The following ACACA variants were observed in gnomAD, a reference collection of about 807,000 sequenced individuals.
ACACA encodes the protein acetyl-CoA carboxylase 1.
ACACA carries 103 observed loss-of-function variants against 296.1 expected under a neutral mutation model. That is an observed-to-expected ratio of 0.35 (90% CI 0.30 to 0.41). ACACA has a LOEUF of 0.41. Among genes scored for constraint, ACACA ranks in the 10% least tolerant of loss-of-function variants. The pLI is 1.00. For missense variants in ACACA, 1,554 were observed against 2,989.7 expected (o/e 0.52, Z 11.20); for synonymous variants, 953 against 1,038.6 (o/e 0.92, Z 1.58).
Position 37,192,220 on chromosome 17 carries a change from G to A in ACACA, c.4286C>T (p.Thr1429Ile). ...ELNRMRNFDL[T>I]AIPCANHKMH... ...CTTGTGATTAGCACATGGAATGGCA[G>A]TGAGGTCAAAATTTCTCATCCGGTT... Residue 1429 changes from threonine (T) to isoleucine (I), a missense_variant, in exon 37 of 56, where the codon ACT becomes ATT. This residue lies in a region of ACACA where 179 missense variants were observed against 283.2 expected (regional missense o/e 0.63). Coordinates refer to ENST00000616317, the MANE Select transcript of ACACA (RefSeq NM_198834.3). 1 of 1,614,084 alleles carries A rather than the reference G, an allele frequency of 6.2e-7. No homozygotes were observed. The highest frequency in any genetic ancestry group is 8.5e-7 in the Non-Finnish European group (1 of 1,180,014).
Position 37,246,848 on chromosome 17 carries a change from C to T in ACACA, c.2438G>A (p.Gly813Asp), listed in dbSNP as rs1398886417. Residue 813 changes from glycine (G) to aspartate (D), a missense_variant, in exon 19 of 56, where the codon GGC (glycine) becomes GAC (aspartate). Around this residue, in one of 16 missense-constraint regions of ACACA, gnomAD observed 316 missense variants for 540.9 expected, o/e 0.58. Transcript: ENST00000616317. Reference protein sequence around the residue: ...IVEDGGHVFAGQCYAEIEVMK... With the variant: ...IVEDGGHVFADQCYAEIEVMK... The stretch of plus-strand genomic sequence containing the variant: ...GACCTCAATCTCAGCATAGCACTGG[C>T]CGGCAAACACATGACCTCCATCTTC... 2 of 1,614,002 alleles carry T rather than the reference C, an allele frequency of 1.2e-6. No individual in the cohort carries two copies. Among genetic ancestry groups the T allele is most frequent in the South Asian group, 1.1e-5 (1 of 91,082 alleles).
At chr17:37,277,795 G>A (rs76327436) in intron 6 of ACACA, 101 bp downstream of exon 6, 83 of 916,244 alleles carry the variant, frequency 9.1e-5, no homozygotes, top group Admixed American at 2.2e-4. Context: ...AATAATTTTC[G>A]AAAATGATGC....
chr17:37,406,295 C>G lies in ACACA; in HGVS notation c.5G>C (p.Trp2Ser). 6.2e-7 allele frequency: 1 copy of G among 1,614,152 alleles called. No individual in the cohort carries two copies. The highest frequency in any genetic ancestry group is 8.5e-7 in the Non-Finnish European group (1 of 1,180,016). Residue 2 changes from tryptophan to serine, a missense_variant, in exon 1 of 56, where the codon TGG becomes TCG. Transcript: ENST00000616317. Reference protein sequence around the residue: MWWSTLMSILRA... With the variant: MSWSTLMSILRA... ...CAAGATTGACATCAGAGTAGACCAC[C>G]ACATCCTCTCATCATTGCGCCTCAA...
At chr17:37,186,102 T>A (rs1348250002) in intron 39 of ACACA, among the ~76,000 whole-genome samples, 7 of 152,228 alleles carry the variant, frequency 4.6e-5, no homozygotes, top group Non-Finnish European at 8.8e-5. Context: ...TAATAGGAGT[T>A]CCTGAATACT....
Position 37,200,490 on chromosome 17 carries a change from G to T in ACACA, c.4057-7C>A, listed in dbSNP as rs770941442. ...GGTCAACCAGGGTAGCTTTCTAGGA[G>T]CAAAAACATGTAAAACAGAAGATAG... On this transcript the variant is annotated splice_polypyrimidine_tract_variant and splice_region_variant and intron_variant, in intron 33 of 55. Coordinates refer to ENST00000616317, the MANE Select transcript of ACACA (RefSeq NM_198834.3). 2 of 1,609,076 alleles carry T rather than the reference G, an allele frequency of 1.2e-6. No homozygotes were observed. The highest frequency in any genetic ancestry group is 1.7e-6 in the Non-Finnish European group (2 of 1,175,558).
intron 39 of ACACA, among the ~76,000 whole-genome samples, chr17:37,187,336 G>C (rs536395998): frequency 6.6e-6 from 1 of 152,268 alleles, no homozygotes; most frequent in South Asian, 2.1e-4. Flanking sequence ...AAAGGATATA[G>C]ATAAAAACAA....
intron 17 of ACACA, 62 bp from the exon 18 acceptor site, chr17:37,248,218 G>T: frequency 6.3e-7 from 1 of 1,591,560 alleles, no homozygotes; most frequent in African/African-American, 1.3e-5. Flanking sequence ...AATGAAATTT[G>T]AATGCTTCAA....
chr17:37,389,203 T>C, intron 1 of ACACA: 2 of 1,545,344 alleles, frequency 1.3e-6, no homozygotes, highest in Non-Finnish European at 1.7e-6. Context: ...ACCAAATGCT[T>C]ACCAGCCACT....
At chr17:37,129,984 T>C (rs895917661) in intron 46 of ACACA, 91 bp downstream of exon 46, 6 of 1,536,748 alleles carry the variant, frequency 3.9e-6, no homozygotes, top group Non-Finnish European at 5.4e-6. Flanking sequence ...TCCTCCACCA[T>C]AAAGACAAGA....
At chr17:37,301,796 T>C (rs1054242990) in intron 3 of ACACA, among the ~76,000 whole-genome samples, 3 of 152,130 alleles carry the variant, frequency 2.0e-5, no homozygotes, top group Non-Finnish European at 2.9e-5. Context: ...TCTAGGTCCT[T>C]TGTTTCCATG....
intron 1 of ACACA, among the ~76,000 whole-genome samples, chr17:37,403,891 G>A (rs1046257560): frequency 1.3e-5 from 2 of 151,964 alleles, no homozygotes; most frequent in Admixed American, 6.6e-5. Flanking sequence ...CAATTCTTGC[G>A]CCTCCCAAGA....
chr17:37,231,566 A>G (rs903619419), intron 25 of ACACA, among the ~76,000 whole-genome samples: 3 of 152,220 alleles, frequency 2.0e-5, no homozygotes, highest in Admixed American at 6.5e-5. Flanking sequence ...AGTCAGGTTA[A>G]GTGGAGGAAG....
At chr17:37,289,584 C>T in intron 3 of ACACA, 3 of 1,089,118 alleles carry the variant, frequency 2.8e-6, no homozygotes, top group South Asian at 1.2e-5. Flanking sequence ...TTCTTAGGAA[C>T]TTCCATTTTT....
At chr17:37,382,739 A>G (rs1379886511) in intron 1 of ACACA, among the ~76,000 whole-genome samples, 2 of 152,152 alleles carry the variant, frequency 1.3e-5, no homozygotes, top group African/African-American at 4.8e-5. Context: ...GTGTGCCTGT[A>G]GTCCTAGCTA....
rs995269737 is a variant in ACACA, at chr17:37,291,501, G to A, written c.339-6531C>T. 3.3e-5 allele frequency among the ~76,000 whole-genome samples: 5 copies of A among 152,226 alleles called. No individual in the cohort carries two copies. In the East Asian group the frequency reaches 7.7e-4, roughly 24 times the overall value. On this transcript the variant is annotated intron_variant, in intron 3 of 55. Transcript: ENST00000616317. Reference sequence around the variant, plus strand: ...AAAAATCTCATAATATTTTAAGCAAGTTTATGAATTTGTGTTGGGCCTCAT... The same window carrying A: ...AAAAATCTCATAATATTTTAAGCAAATTTATGAATTTGTGTTGGGCCTCAT...
At chr17:37,309,785 C>T (rs1051609722) in intron 3 of ACACA, among the ~76,000 whole-genome samples, 1 of 152,094 alleles carries the variant, frequency 6.6e-6, no homozygotes, top group East Asian at 1.9e-4. Flanking sequence ...GGTGTGGTGG[C>T]TTACACCTGT....
intron 25 of ACACA, among the ~76,000 whole-genome samples, chr17:37,233,003 A>T (rs1324786919): frequency 2.0e-5 from 3 of 152,150 alleles, no homozygotes; most frequent in Non-Finnish European, 4.4e-5. Context: ...GGTACTATCC[A>T]TGCAGGTAAG....
At chr17:37,088,006 G>GAAA in intron 55 of ACACA, among the ~76,000 whole-genome samples, 1 of 152,312 alleles carries the variant, frequency 6.6e-6, no homozygotes, top group African/African-American at 2.4e-5. Flanking sequence ...TTATACGGTA[G>GAAA]AGAAATGGAG....
chr17:37,190,809 A>G (rs977169608), intron 38 of ACACA, among the ~76,000 whole-genome samples: 6 of 152,192 alleles, frequency 3.9e-5, no homozygotes, highest in Non-Finnish European at 8.8e-5. Flanking sequence ...ACAAAACAGG[A>G]CCACTATTAT....
Sources: allele counts gnomAD v4.1 joint callset (sites outside exome capture counted in the v4.1 genomes callset), GRCh38; gene constraint gnomAD v4.1.1; regional missense constraint gnomAD v4.1.1; transcripts MANE v1.5; gene names NCBI Gene and HGNC (gene_info 2026-07-23, HGNC 2026-07-21).